CWC15: variants seen among roughly 807,000 people sequenced by gnomAD.
CWC15 encodes spliceosome-associated protein CWC15 homolog.
Under a neutral mutation model 28.4 loss-of-function variants are expected in CWC15, and 12 were observed. The observed-to-expected ratio is 0.42, with a 90% CI of 0.27 to 0.69. The LOEUF is 0.69. CWC15 is among the 30% of genes least tolerant of loss of function. CWC15 has a pLI of 0.23. For missense variants in CWC15, 192 were observed against 271.5 expected, an observed-to-expected ratio of 0.71 and a Z score of 2.06; for synonymous variants, 92 against 88.4, an observed-to-expected ratio of 1.04 and a Z score of -0.23.
intron 5 of CWC15, among the ~76,000 whole-genome samples, chr11:94,966,815 C>CA (rs1405530095): frequency 6.6e-6 from 1 of 151,928 alleles, no homozygotes; most frequent in Admixed American, 6.6e-5. Context: ...ACACATTTAG[C>CA]AAAACTATTA....
At chr11:94,966,704 T>C (rs186239026) in intron 5 of CWC15, among the ~76,000 whole-genome samples, 33 of 152,198 alleles carry the variant, frequency 2.2e-4, no homozygotes, top group African/African-American at 7.7e-4. Flanking sequence ...TTTAAATCTA[T>C]TTTCTTTCTT....
rs190643503 is a variant in CWC15 at position 94,963,785 on chromosome 11, A to G, written c.561-271T>C. On this transcript the variant is annotated intron_variant, in intron 6 of 6. Transcript: ENST00000279839. The stretch of plus-strand genomic sequence containing the variant: ...TTTGAGTTAAAAAATAGAAATATAT[A>G]GATTTTAATTGCATAAATATTTAAT... Among the ~76,000 whole-genome samples, 441 of 152,352 alleles carry G rather than the reference A, an allele frequency of 2.9e-3. 2 individuals carry two copies. The highest frequency in any genetic ancestry group is 4.6e-3 in the Non-Finnish European group (312 of 68,026).
intron 1 of CWC15, chr11:94,973,176 G>C (rs1857753546): frequency 1.3e-5 from 2 of 152,442 alleles, no homozygotes. Context: ...TATCACTCCG[G>C]CCTCCCGTGA....
chr11:94,968,248 A>G (rs942451860), intron 5 of CWC15, among the ~76,000 whole-genome samples: 21 of 152,222 alleles, frequency 1.4e-4, no homozygotes, highest in African/African-American at 5.1e-4. Context: ...CAGCCAGCCT[A>G]AAATATTTAC....
chr11:94,970,948 T>C (rs1555096091), intron 4 of CWC15, 29 bp downstream of exon 4: 7 of 1,514,190 alleles, frequency 4.6e-6, no homozygotes, highest in Non-Finnish European at 6.4e-6. Flanking sequence ...AATCAATTAT[T>C]AGAGATGAAA....
At chr11:94,967,358 T>C (rs1418052554) in intron 5 of CWC15, among the ~76,000 whole-genome samples, 1 of 152,178 alleles carries the variant, frequency 6.6e-6, no homozygotes, top group African/African-American at 2.4e-5. Flanking sequence ...CCATCCTTTA[T>C]CAGTTACAAC....
intron 4 of CWC15, 105 bp from the exon 5 acceptor site, chr11:94,970,201 T>G (rs1857700663): frequency 2.1e-6 from 1 of 467,904 alleles, no homozygotes. Context: ...AACAATTTTA[T>G]GTAGCTCAAA....
chr11:94,968,526 T>G (rs1343342596), intron 5 of CWC15, among the ~76,000 whole-genome samples: 1 of 152,210 alleles, frequency 6.6e-6, no homozygotes, highest in Non-Finnish European at 1.5e-5. Context: ...TGTCCAGAAC[T>G]ATTAGGCAAG....
At chr11:94,971,304 C>T (rs1555096174) in intron 3 of CWC15, 71 bp downstream of exon 3, 2 of 1,261,948 alleles carry the variant, frequency 1.6e-6, no homozygotes, top group East Asian at 2.5e-5. Context: ...TAACATTTTC[C>T]AATTGCTACA....
chr11:94,970,843 G>T, intron 4 of CWC15, 134 bp downstream of exon 4: 1 of 736,638 alleles, frequency 1.4e-6, no homozygotes, highest in Non-Finnish European at 2.4e-6. Context: ...GTTTAGCACT[G>T]AGGTCAGGGC....
At position 94,970,033 on chromosome 11, in the gene CWC15, G is replaced by T; in HGVS notation, c.397C>A (p.Leu133Met). Residue 133 changes from leucine to methionine, a missense_variant, in exon 5 of 7, where the codon CTG becomes ATG. Leu to Met is a conservative substitution (Grantham distance 15). Transcript: ENST00000279839. ...DDDTAALLAE[L>M]EKIKKERAEE... ...GCTCTTTCTTTTTTAATTTTTTCCA[G>T]TTCTGCAAGAAGAGCTGCAGTATCA... The T allele has an allele frequency of 6.4e-7, 1 of 1,574,402 alleles. No homozygotes were observed.
intron 4 of CWC15, 32 bp downstream of exon 4, chr11:94,970,945 T>C (rs782414193): frequency 5.4e-6 from 8 of 1,495,068 alleles, no homozygotes; most frequent in East Asian, 2.3e-5. Flanking sequence ...GTAAATCAAT[T>C]ATTAGAGATG....
At chr11:94,971,943 T>G in intron 2 of CWC15, 112 bp downstream of exon 2, 2 of 1,001,540 alleles carry the variant, frequency 2.0e-6, no homozygotes, top group South Asian at 1.7e-5. Flanking sequence ...TGCATTCTAT[T>G]CCTATGAAAA....
At chr11:94,964,776 T>C (rs1273718129) in intron 6 of CWC15, among the ~76,000 whole-genome samples, 1 of 152,264 alleles carries the variant, frequency 6.6e-6, no homozygotes, top group African/African-American at 2.4e-5. Context: ...GGCACTTGTA[T>C]AATGTTTAGA....
intron 4 of CWC15, 159 bp downstream of exon 4, chr11:94,970,818 A>G: frequency 1.6e-6 from 1 of 637,630 alleles, no homozygotes; most frequent in South Asian, 2.0e-5. Context: ...TTTTGATTTT[A>G]AAATCAACTA....
intron 5 of CWC15, among the ~76,000 whole-genome samples, chr11:94,968,837 TCTTA>T (rs1857680703): frequency 6.6e-6 from 1 of 152,316 alleles, no homozygotes; most frequent in South Asian, 2.1e-4. Context: ...CAGTATATTT[TCTTA>T]CTTTCTTTTT....
intron 4 of CWC15, 73 bp from the exon 5 acceptor site, chr11:94,970,169 C>A: frequency 3.2e-6 from 2 of 627,596 alleles, no homozygotes; most frequent in Admixed American, 3.7e-5. Context: ...ATATGTACAA[C>A]GTATCACCCT....
chr11:94,965,515 G>T (rs1216213101), intron 6 of CWC15, among the ~76,000 whole-genome samples: 1 of 152,138 alleles, frequency 6.6e-6, no homozygotes. Context: ...TGCTTGCAAG[G>T]CTGGCCCCTG....
In CWC15 at chr11:94,966,369, G is replaced by A. The variant is rs2134099494; in HGVS notation, c.486C>T (p.Asn162=). The A allele has an allele frequency of 2.6e-6, 4 of 1,557,352 alleles. No homozygotes were observed. Among genetic ancestry groups the A allele is most frequent in the Non-Finnish European group, 3.5e-6 (4 of 1,149,472 alleles). ...KAEEERIRME[N]ILSGNPLLNL... The stretch of plus-strand genomic sequence containing the variant: ...TAAGGAGAGGGTTTCCGCTCAGAAT[G>A]TTTTCCATACGAATCCTCTCTTCTT... The change falls in exon 6 of 7, where the codon AAC becomes AAT. Residue 162 remains asparagine (N), a synonymous_variant. Transcript: ENST00000279839.
Sources: gnomAD v4.1 joint callset for allele counts (sites outside exome capture counted in the v4.1 genomes callset) on GRCh38, gnomAD v4.1.1 for gene constraint, MANE v1.5 for transcripts, NCBI Gene and HGNC (gene_info 2026-07-23, HGNC 2026-07-21) for gene names.